The following DLG2 variants were observed in gnomAD, a reference collection of about 807,000 sequenced individuals.
DLG2 encodes the protein discs large MAGUK scaffold protein 2.
A neutral mutation model predicts 132.5 loss-of-function variants in DLG2; 45 were observed. That is an observed-to-expected ratio of 0.34 (90% confidence interval 0.27 to 0.44). The LOEUF is 0.44. Among genes scored for constraint, DLG2 ranks in the 20% least tolerant of loss-of-function variants. The pLI is 1.00. For missense variants in DLG2, 1,045 were observed against 1,196.9 expected, an observed-to-expected ratio of 0.87 and a Z score of 1.87; for synonymous variants, 424 against 419.6, an observed-to-expected ratio of 1.01 and a Z score of -0.13.
chr11:84,520,955 C>A (rs2099296811), intron 7 of DLG2, among the ~76,000 whole-genome samples: 1 of 152,170 alleles, frequency 6.6e-6, no homozygotes, highest in South Asian at 2.1e-4. Flanking sequence ...ACACACTGCC[C>A]TGCAGCTCTG....
Position 85,053,632 on chromosome 11 carries a change from C to CAA in DLG2, c.357+58027_357+58028dup, listed in dbSNP as rs574119257. On this transcript the variant is annotated intron_variant, in intron 6 of 27. Coordinates refer to ENST00000376104, the MANE Select transcript of DLG2 (RefSeq NM_001142699.3). ...TGAAACCCCATCTCTACTAAAAATACAAAAAAAAAAAAAAAAAAAATTAGC... is the reference window on the plus strand; with the variant it reads ...TGAAACCCCATCTCTACTAAAAATACAAAAAAAAAAAAAAAAAAAAAATTAGC... 5.6e-3 allele frequency among the ~76,000 whole-genome samples: 508 copies of CAA among 91,154 alleles called. 7 individuals are homozygous for CAA. The highest frequency in any genetic ancestry group is 0.021 in the African/African-American group (456 of 21,268). 59.8% of individuals were successfully genotyped at this position (91,154 alleles called of 152,430 possible).
At chr11:83,926,807 T>A (rs2154126520) in intron 15 of DLG2, among the ~76,000 whole-genome samples, 1 of 152,260 alleles carries the variant, frequency 6.6e-6, no homozygotes, top group Non-Finnish European at 1.5e-5. Context: ...CAGGTGATGG[T>A]GTCAAAAATG....
At chr11:85,001,124 C>T (rs544340879) in intron 6 of DLG2, among the ~76,000 whole-genome samples, 5 of 151,904 alleles carry the variant, frequency 3.3e-5, no homozygotes, top group Admixed American at 6.6e-5. Context: ...GACAGTATCT[C>T]ACTCTGGCAC....
At chr11:85,247,021 T>A (rs1411664937) in intron 4 of DLG2, among the ~76,000 whole-genome samples, 1 of 152,052 alleles carries the variant, frequency 6.6e-6, no homozygotes. Flanking sequence ...TGTCAGTCAC[T>A]AAATGAGCAA....
intron 7 of DLG2, among the ~76,000 whole-genome samples, chr11:84,278,039 C>A (rs921422798): frequency 2.0e-5 from 3 of 147,174 alleles, no homozygotes; most frequent in African/African-American, 7.5e-5. Flanking sequence ...GACCACACGC[C>A]TGGCTAAGTT....
intron 18 of DLG2, among the ~76,000 whole-genome samples, chr11:83,764,940 T>G (rs1275657871): frequency 1.3e-5 from 2 of 152,118 alleles, no homozygotes; most frequent in African/African-American, 4.8e-5. Context: ...GCCCTGTAGG[T>G]GTGGTCAGGC....
At chr11:85,105,360 G>A (rs928150058) in intron 6 of DLG2, among the ~76,000 whole-genome samples, 3 of 151,908 alleles carry the variant, frequency 2.0e-5, no homozygotes, top group Admixed American at 6.6e-5. Context: ...GGAAACTGGT[G>A]TAAGTCTAAA....
intron 8 of DLG2, among the ~76,000 whole-genome samples, chr11:84,242,230 C>T (rs1306567397): frequency 6.6e-6 from 1 of 152,110 alleles, no homozygotes; most frequent in Admixed American, 6.6e-5. Context: ...TAAGGGCTTC[C>T]CAGTAAATGA....
chr11:83,507,429 C>A, intron 21 of DLG2, among the ~76,000 whole-genome samples: 2 of 145,832 alleles, frequency 1.4e-5, no homozygotes, highest in Non-Finnish European at 3.0e-5. Context: ...ATACATATAT[C>A]CTATATATAT....
chr11:84,805,869 C>T (rs577713791), intron 6 of DLG2, among the ~76,000 whole-genome samples: 81 of 152,146 alleles, frequency 5.3e-4, no homozygotes, highest in African/African-American at 2.0e-3. Context: ...AATACAAATG[C>T]CAATACCAAG....
intron 6 of DLG2, among the ~76,000 whole-genome samples, chr11:85,032,080 G>A (rs921949173): frequency 2.0e-5 from 3 of 148,046 alleles, no homozygotes; most frequent in African/African-American, 7.5e-5. Flanking sequence ...TGGGATTATA[G>A]GCATGAACCA....
chr11:84,881,153 G>C (rs1056487162), intron 6 of DLG2, among the ~76,000 whole-genome samples: 1 of 152,198 alleles, frequency 6.6e-6, no homozygotes, highest in African/African-American at 2.4e-5. Flanking sequence ...ATTAGTAAGT[G>C]CCTGCTGATC....
chr11:83,603,702 T>C (rs1594305177), intron 19 of DLG2, among the ~76,000 whole-genome samples: 3 of 152,210 alleles, frequency 2.0e-5, no homozygotes, highest in Admixed American at 2.0e-4. Flanking sequence ...TGGTGCCTTA[T>C]TGCAGTTTAA....
intron 18 of DLG2, among the ~76,000 whole-genome samples, chr11:83,687,333 G>A (rs2079982767): frequency 6.6e-6 from 1 of 152,150 alleles, no homozygotes; most frequent in African/African-American, 2.4e-5. Context: ...TGAGTAACCT[G>A]CCCCAGGTTT....
intron 10 of DLG2, among the ~76,000 whole-genome samples, chr11:84,096,420 G>T (rs1026387110): frequency 7.2e-5 from 11 of 152,162 alleles, no homozygotes; most frequent in Admixed American, 7.2e-4. Flanking sequence ...TACCTCTGTA[G>T]GCATGGGGCT....
intron 6 of DLG2, among the ~76,000 whole-genome samples, chr11:84,748,419 C>A (rs2065670084): frequency 6.6e-6 from 1 of 152,126 alleles, no homozygotes; most frequent in Non-Finnish European, 1.5e-5. Flanking sequence ...AAGGTGATAA[C>A]ATTTTCATTT....
intron 3 of DLG2, among the ~76,000 whole-genome samples, chr11:85,552,170 C>CT (rs1485816769): frequency 6.7e-6 from 1 of 150,330 alleles, no homozygotes; most frequent in African/African-American, 2.4e-5. Context: ...CTGCTGAGTG[C>CT]TGTGAGTAGA....
At chr11:85,070,316 A>T (rs960464357) in intron 6 of DLG2, among the ~76,000 whole-genome samples, 1 of 149,990 alleles carries the variant, frequency 6.7e-6, no homozygotes, top group Non-Finnish European at 1.5e-5. Context: ...AAATAAATAA[A>T]TAAATAAATA....
chr11:83,507,758 TTATATATATATATATATATATATATA>T lies in DLG2; in HGVS notation c.2194-23556_2194-23531del, dbSNP rs59086507. Among the ~76,000 whole-genome samples, 172 of 99,884 alleles carry T rather than the reference TTATATATATATATATATATATATATA, an allele frequency of 1.7e-3. 1 individual carries two copies. The highest frequency in any genetic ancestry group is 5.5e-3 in the African/African-American group (150 of 27,324). 65.5% of individuals were successfully genotyped at this position (99,884 alleles called of 152,430 possible). Reference sequence around the variant, plus strand: ...ATTTATATTTACATATATATTTTTATTATATATATATATATATATATATATATATATATATATATATGTATATATGA... The same window carrying T: ...ATTTATATTTACATATATATTTTTATTATATATATATATATGTATATATGA... On this transcript the variant is annotated intron_variant, in intron 21 of 27. Coordinates refer to ENST00000376104, the MANE Select transcript of DLG2 (RefSeq NM_001142699.3).
Sources: gnomAD v4.1 joint callset for allele counts (sites outside exome capture counted in the v4.1 genomes callset) on GRCh38, gnomAD v4.1.1 for gene constraint, MANE v1.5 for transcripts, NCBI Gene and HGNC (gene_info 2026-07-23, HGNC 2026-07-21) for gene names.